Variants in BFSP1 observed in about 807,000 individuals in gnomAD.
The protein encoded by BFSP1 is beaded filament structural protein 1.
Under a neutral mutation model 43.9 loss-of-function variants are expected in BFSP1, and 38 were observed. The ratio of observed to expected loss-of-function variants is 0.87; its 90% CI spans 0.67 to 1.14. The LOEUF is 1.14. BFSP1 is among the 50% of genes most tolerant of loss of function. BFSP1 has a pLI of 0.00. For synonymous variants in BFSP1, 352 were observed against 354.8 expected, an observed-to-expected ratio of 0.99 and a Z score of 0.09; for missense variants, 850 against 875.1, an observed-to-expected ratio of 0.97 and a Z score of 0.36.
intron 5 of BFSP1, 76 bp from the exon 6 acceptor site, chr20:17,499,116 C>T: frequency 1.5e-6 from 2 of 1,320,444 alleles, no homozygotes; most frequent in Admixed American, 3.5e-5. Flanking sequence ...GGAAAAGGAA[C>T]CTGGACTCGG....
chr20:17,531,936 T>C (rs2034552721), upstream of BFSP1, among the ~76,000 whole-genome samples: 1 of 152,158 alleles, frequency 6.6e-6, no homozygotes, highest in Non-Finnish European at 1.5e-5. Flanking sequence ...TTCTTAACCA[T>C]GGATGCAAAA....
intron 1 of BFSP1, among the ~76,000 whole-genome samples, chr20:17,537,371 A>G (rs1374426771): frequency 6.6e-6 from 1 of 152,122 alleles, no homozygotes; most frequent in Non-Finnish European, 1.5e-5. Context: ...TGCTCCTGGA[A>G]GTGATGAGTC....
intron 1 of BFSP1, among the ~76,000 whole-genome samples, chr20:17,549,103 G>T (rs57258654): frequency 0.052 from 7,890 of 152,224 alleles, 665 homozygotes; most frequent in African/African-American, 0.18. Context: ...GAGCCACTAT[G>T]CCAGCCCCAT....
upstream of BFSP1, among the ~76,000 whole-genome samples, chr20:17,561,581 G>T (rs1184964632): frequency 1.3e-5 from 2 of 152,144 alleles, no homozygotes; most frequent in Non-Finnish European, 2.9e-5. Flanking sequence ...AGTGCTGAAT[G>T]AATGAATAAA....
chr20:17,498,288 T>C (rs529187202), intron 6 of BFSP1, among the ~76,000 whole-genome samples: 6 of 152,202 alleles, frequency 3.9e-5, no homozygotes, highest in Non-Finnish European at 7.4e-5. Flanking sequence ...TTAAAGTGAG[T>C]AGGGATCGAC....
At chr20:17,515,844 T>C (rs1463521788) in intron 2 of BFSP1, among the ~76,000 whole-genome samples, 1 of 152,232 alleles carries the variant, frequency 6.6e-6, no homozygotes, top group Non-Finnish European at 1.5e-5. Context: ...TAATGAGTCT[T>C]AGCAATGGGC....
intron 5 of BFSP1, among the ~76,000 whole-genome samples, chr20:17,506,100 T>C (rs1476921003): frequency 2.0e-5 from 3 of 152,142 alleles, no homozygotes; most frequent in Non-Finnish European, 4.4e-5. Context: ...GGTTCAGAGT[T>C]CGCTGCCGGC....
intron 1 of BFSP1, among the ~76,000 whole-genome samples, chr20:17,543,432 A>G (rs892113302): frequency 6.6e-6 from 1 of 152,228 alleles, no homozygotes; most frequent in African/African-American, 2.4e-5. Flanking sequence ...GGTGACCTTT[A>G]TTTATCACAC....
intron 2 of BFSP1, among the ~76,000 whole-genome samples, chr20:17,521,415 G>A (rs745891743): frequency 1.8e-4 from 27 of 152,206 alleles, no homozygotes; most frequent in Non-Finnish European, 3.5e-4. Flanking sequence ...TATCCTCCAA[G>A]TAGGATGCAA....
chr20:17,541,390 C>T (rs1006820060), intron 1 of BFSP1, among the ~76,000 whole-genome samples: 2 of 152,112 alleles, frequency 1.3e-5, no homozygotes, highest in Non-Finnish European at 2.9e-5. Context: ...GCTGATTGGG[C>T]TGTTTCAAGG....
chr20:17,521,958 G>A (rs2034327860), intron 2 of BFSP1, among the ~76,000 whole-genome samples: 1 of 152,184 alleles, frequency 6.6e-6, no homozygotes, highest in Non-Finnish European at 1.5e-5. Flanking sequence ...TGTTCCTGGG[G>A]TGTTAACACC....
At chr20:17,544,246 C>G (rs187149621) in intron 1 of BFSP1, among the ~76,000 whole-genome samples, 17 of 152,254 alleles carry the variant, frequency 1.1e-4, no homozygotes, top group Admixed American at 4.6e-4. Context: ...CAGAGATATC[C>G]CAGGCAAGGG....
chr20:17,513,134 A>G (rs1001084871), intron 3 of BFSP1, among the ~76,000 whole-genome samples: 12 of 152,160 alleles, frequency 7.9e-5, no homozygotes, highest in African/African-American at 2.9e-4. Flanking sequence ...TGTAATTCAC[A>G]TTCACACTCC....
intron 2 of BFSP1, chr20:17,516,974 C>T: frequency 4.0e-6 from 3 of 758,588 alleles, no homozygotes; most frequent in Non-Finnish European, 4.8e-6. Flanking sequence ...AAAGACTGAT[C>T]TTTGCTAGCA....
intron 1 of BFSP1, among the ~76,000 whole-genome samples, chr20:17,529,417 G>A (rs2034487054): frequency 1.3e-5 from 2 of 152,090 alleles, no homozygotes; most frequent in South Asian, 4.1e-4. Context: ...AAGATGTTCT[G>A]TTAAAAGTCT....
chr20:17,546,276 C>T (rs1296241640), intron 1 of BFSP1, among the ~76,000 whole-genome samples: 2 of 152,134 alleles, frequency 1.3e-5, no homozygotes, highest in Non-Finnish European at 2.9e-5. Flanking sequence ...AGAAGAACTA[C>T]CATTTATAAA....
intron 3 of BFSP1, among the ~76,000 whole-genome samples, chr20:17,513,029 C>A (rs568577702): frequency 2.6e-5 from 4 of 152,316 alleles, no homozygotes; most frequent in African/African-American, 9.6e-5. Flanking sequence ...CAGGAAGCTA[C>A]CAGGCCCTGC....
chr20:17,536,739 C>T lies in BFSP1; in HGVS notation c.3-11831G>A, dbSNP rs2034634884. 2.6e-5 allele frequency among the ~76,000 whole-genome samples: 4 copies of T among 152,232 alleles called. No homozygotes were observed. In the East Asian group the frequency reaches 5.8e-4, roughly 22 times the overall value. Reference sequence around the variant, plus strand: ...GTTTGCTTTGGACATTTTACAGAAACAAAAGGTAATGGAGGTAATCATATA... The same window carrying T: ...GTTTGCTTTGGACATTTTACAGAAATAAAAGGTAATGGAGGTAATCATATA... On this transcript the variant is annotated intron_variant, in intron 1 of 7. Coordinates refer to the BFSP1 transcript ENST00000377868.
intron 4 of BFSP1, among the ~76,000 whole-genome samples, chr20:17,511,528 T>G (rs1287872067): frequency 6.6e-6 from 1 of 152,164 alleles, no homozygotes; most frequent in Non-Finnish European, 1.5e-5. Context: ...CTCGGCTTCC[T>G]TAGTCATTAG....
Sources: gnomAD v4.1 joint callset for allele counts (sites outside exome capture counted in the v4.1 genomes callset) on GRCh38, gnomAD v4.1.1 for gene constraint, MANE v1.5 for transcripts, NCBI Gene and HGNC (gene_info 2026-07-23, HGNC 2026-07-21) for gene names.